Variants in CPVL observed in about 807,000 individuals in gnomAD.
CPVL encodes the protein carboxypeptidase vitellogenic like.
In CPVL, 51 loss-of-function variants were observed where a neutral mutation model predicts 63.7. The observed-to-expected ratio is 0.80, with a 90% CI of 0.64 to 1.01. The LOEUF is 1.01. Ranked by LOEUF, CPVL falls within the 50% of genes least tolerant of loss-of-function variation. The pLI, the probability that CPVL is intolerant of heterozygous loss-of-function variation, is 0.00. For missense variants in CPVL, 530 were observed against 573.1 expected, an observed-to-expected ratio of 0.92 and a Z score of 0.77; for synonymous variants, 195 against 206.0, an observed-to-expected ratio of 0.95 and a Z score of 0.46.
At chr7:29,141,647 T>C (rs1327620185) in intron 1 of CPVL, among the ~76,000 whole-genome samples, 3 of 152,138 alleles carry the variant, frequency 2.0e-5, no homozygotes, top group Admixed American at 6.5e-5. Flanking sequence ...CCGGGCGTTG[T>C]GGCTCACGCC....
At chr7:29,168,114 GAA>G (rs1796153978) in intron 5 of CPVL, among the ~76,000 whole-genome samples, 1 of 152,178 alleles carries the variant, frequency 6.6e-6, no homozygotes, top group Non-Finnish European at 1.5e-5. Flanking sequence ...ATAACATACA[GAA>G]TATCTCATTG....
intron 1 of CPVL, chr7:29,194,914 C>A: frequency 2.0e-6 from 3 of 1,536,542 alleles, no homozygotes; most frequent in Non-Finnish European, 2.6e-6. Context: ...CGGGGCTGAG[C>A]GAGCAGCGAC....
At chr7:29,034,634 T>G (rs988993497) in intron 11 of CPVL, among the ~76,000 whole-genome samples, 2 of 152,046 alleles carry the variant, frequency 1.3e-5, no homozygotes. Flanking sequence ...GTTCTCATCG[T>G]TTTTTACAAA....
chr7:29,025,017 A>G (rs991260813), intron 12 of CPVL, among the ~76,000 whole-genome samples: 1 of 152,256 alleles, frequency 6.6e-6, no homozygotes, highest in Non-Finnish European at 1.5e-5. Context: ...CAAAGGATAT[A>G]TAAAACAACC....
In CPVL at chr7:29,072,381, G is replaced by C. The variant is rs753700629; in HGVS notation, c.652C>G (p.His218Asp). Residue 218 changes from histidine to aspartate, a missense_variant, in exon 8 of 13, where the codon CAT (histidine) becomes GAT (aspartate). By Grantham distance (81) the His-to-Asp change is moderately conservative. Transcript: ENST00000265394. ...KYVPAIAHLI[H>D]SLNPVREVKI... is the part of the protein sequence containing the mutation. ...ACCTCTCTCACAGGGTTGAGGGAAT[G>C]GATGAGGTGTGCAATGGCTGGCACA... 2 of 1,614,054 alleles carry C rather than the reference G, an allele frequency of 1.2e-6. No homozygotes were observed. Among genetic ancestry groups the C allele is most frequent in the Admixed American group, 1.7e-5 (1 of 60,028 alleles).
At chr7:29,187,383 G>C (rs1330354344) in intron 1 of CPVL, among the ~76,000 whole-genome samples, 1 of 151,978 alleles carries the variant, frequency 6.6e-6, no homozygotes, top group Admixed American at 6.6e-5. Flanking sequence ...GAGAGACAGA[G>C]AGCACTTGAG....
intron 5 of CPVL, among the ~76,000 whole-genome samples, chr7:29,153,430 C>T (rs1305591759): frequency 6.6e-6 from 1 of 152,114 alleles, no homozygotes; most frequent in Non-Finnish European, 1.5e-5. Flanking sequence ...CTGGTTTTGC[C>T]ACCCCTGAGA....
chr7:29,101,659 TAA>T (rs1787148875), intron 3 of CPVL, among the ~76,000 whole-genome samples: 1 of 152,156 alleles, frequency 6.6e-6, no homozygotes, highest in Non-Finnish European at 1.5e-5. Context: ...TACTTATTCT[TAA>T]CTAAAGGTTT....
intron 3 of CPVL, chr7:29,184,680 G>C (rs976521307): frequency 2.0e-5 from 3 of 152,164 alleles, no homozygotes; most frequent in Admixed American, 6.6e-5. Flanking sequence ...TCTACATACT[G>C]GGGGAAAATC....
At chr7:29,195,090 G>A in exon 1 of CPVL, 1 of 1,311,350 alleles carries the variant, frequency 7.6e-7, no homozygotes, top group Non-Finnish European at 1.0e-6. Flanking sequence ...TGGCCATCCC[G>A]CCCGCTCTCT....
At chr7:29,039,985 T>TCCCC (rs1788913461) in intron 11 of CPVL, among the ~76,000 whole-genome samples, 1 of 152,224 alleles carries the variant, frequency 6.6e-6, no homozygotes, top group Non-Finnish European at 1.5e-5. Context: ...GGGAAATGAT[T>TCCCC]GAACAGCAGC....
chr7:29,069,389 T>C (rs113597281), intron 9 of CPVL, among the ~76,000 whole-genome samples: 16,335 of 144,388 alleles, frequency 0.11, 1,125 homozygotes, highest in Middle Eastern at 0.15. Context: ...TGCAGTGAGC[T>C]GAGATCTTGC....
At chr7:29,107,534 C>T (rs901256802) in intron 3 of CPVL, among the ~76,000 whole-genome samples, 3 of 152,224 alleles carry the variant, frequency 2.0e-5, no homozygotes, top group Admixed American at 6.5e-5. Context: ...AGCCGGGAAT[C>T]GCAGACTTGG....
chr7:29,171,287 A>G (rs958147107), intron 5 of CPVL, among the ~76,000 whole-genome samples: 1 of 152,200 alleles, frequency 6.6e-6, no homozygotes, highest in Non-Finnish European at 1.5e-5. Context: ...AGCTCTTTGG[A>G]ACACCCAGGG....
chr7:29,133,676 A>G (rs1185248195), intron 1 of CPVL, among the ~76,000 whole-genome samples: 4 of 152,276 alleles, frequency 2.6e-5, no homozygotes, highest in African/African-American at 9.6e-5. Context: ...CTGTCCCCTC[A>G]TGAAACCTCT....
rs1169751545 is a variant in CPVL, at chr7:29,015,787, T to C, written c.1320+14790A>G. 2.0e-5 allele frequency among the ~76,000 whole-genome samples: 3 copies of C among 152,000 alleles called. No individual in the cohort carries two copies. In the East Asian group the frequency reaches 5.8e-4, roughly 30 times the overall value. On this transcript the variant is annotated intron_variant, in intron 12 of 12. Coordinates refer to ENST00000265394, the MANE Select transcript of CPVL (RefSeq NM_031311.5). ...GGTACTTAAAGACACTGTGGGGTGG[T>C]GGAAAGGTCAGAATTTGAATTTTCA...
chr7:29,171,855 C>T (rs900838169), intron 5 of CPVL, among the ~76,000 whole-genome samples: 91 of 152,110 alleles, frequency 6.0e-4, no homozygotes, highest in Non-Finnish European at 2.8e-4. Context: ...TCAAGCATGC[C>T]GTCACATATA....
At chr7:29,061,871 A>G (rs1049071437) in intron 11 of CPVL, among the ~76,000 whole-genome samples, 3 of 151,004 alleles carry the variant, frequency 2.0e-5, no homozygotes, top group Non-Finnish European at 4.4e-5. Flanking sequence ...GCTTGAACCC[A>G]GGAGGTGGAG....
intron 9 of CPVL, among the ~76,000 whole-genome samples, chr7:29,068,263 C>A (rs1449697146): frequency 6.6e-6 from 1 of 152,080 alleles, no homozygotes; most frequent in African/African-American, 2.4e-5. Context: ...GATCTGCCCA[C>A]CTCGGCCTCC....
Sources: allele counts gnomAD v4.1 joint callset (sites outside exome capture counted in the v4.1 genomes callset), GRCh38; gene constraint gnomAD v4.1.1; transcripts MANE v1.5; gene names NCBI Gene and HGNC (gene_info 2026-07-23, HGNC 2026-07-21).